The following POM121 variants were observed in gnomAD, a reference collection of about 807,000 sequenced individuals.
The protein encoded by POM121 is nuclear envelope pore membrane protein POM 121.
In POM121, 32 loss-of-function variants were observed where a neutral mutation model predicts 81.3. That is an observed-to-expected ratio of 0.39 (90% CI 0.30 to 0.53). The LOEUF (loss-of-function observed/expected upper bound fraction) is 0.53. POM121 is among the 20% of genes least tolerant of loss of function. The pLI is 0.66. For missense variants in POM121, 1,138 were observed against 1,614.6 expected, an observed-to-expected ratio of 0.70 and a Z score of 5.06; for synonymous variants, 514 against 694.2, an observed-to-expected ratio of 0.74 and a Z score of 4.08.
chr7:72,898,277 A>G (rs1181488091), intron 3 of POM121, among the ~76,000 whole-genome samples: 1 of 152,180 alleles, frequency 6.6e-6, no homozygotes, highest in Non-Finnish European at 1.5e-5. Context: ...AAATAAATAG[A>G]CAGATGGAGT....
In POM121 at chr7:72,946,453, G is replaced by A. The variant is rs1359429655; in HGVS notation, c.*219G>A. ...AGCAGGATGCGGAGGGCCAAAGCCC[G>A]GGACCTCTACTTGAACAGTTCTACT... On this transcript the variant is annotated 3_prime_UTR_variant, in exon 13 of 13. Coordinates refer to ENST00000434423, the MANE Select transcript of POM121 (RefSeq NM_001387691.1). The A allele has an allele frequency of 3.2e-5, 45 of 1,394,208 alleles. No homozygotes were observed. The highest frequency in any genetic ancestry group is 5.9e-5 in the African/African-American group (4 of 68,194). The allele number at this position is 1,394,208 out of a possible 1,614,324, so 86.4% of individuals were successfully genotyped here.
chr7:72,930,160 A>G (rs782131120), intron 5 of POM121, 49 bp downstream of exon 5: 2 of 1,564,878 alleles, frequency 1.3e-6, no homozygotes, highest in South Asian at 2.3e-5. Context: ...CCCAGCGTTC[A>G]TTCATTGACT....
At chr7:72,926,743 G>A in intron 2 of POM121, 59 bp from the exon 3 acceptor site, 1 of 1,590,754 alleles carries the variant, frequency 6.3e-7, no homozygotes, top group Non-Finnish European at 8.6e-7. Context: ...TCTGAAGTCT[G>A]TGCTATATGG....
At chr7:72,909,375 G>T (rs1334970600) in intron 3 of POM121, among the ~76,000 whole-genome samples, 1 of 152,094 alleles carries the variant, frequency 6.6e-6, no homozygotes, top group Non-Finnish European at 1.5e-5. Context: ...CTGGTTTTTA[G>T]TATGAGGAGT....
At position 72,943,449 on chromosome 7, in the gene POM121, G is replaced by A. The variant is rs1192672686; in HGVS notation, c.3456G>A (p.Leu1152=). ...CAGGGGGCTTAGGTCAGAACGCCCTGGGCACCACCGGCCAGAGCACACCGT... is the reference window on the plus strand; with the variant it reads ...CAGGGGGCTTAGGTCAGAACGCCCTAGGCACCACCGGCCAGAGCACACCGT... ...PFAGGLGQNA[L]GTTGQSTPFA... The change falls in exon 11 of 13, where the codon CTG becomes CTA. Residue 1152 remains leucine (L), a synonymous_variant. Transcript: ENST00000434423. 2 of 1,612,764 alleles carry A rather than the reference G, an allele frequency of 1.2e-6. No homozygotes were observed. Among genetic ancestry groups the A allele is most frequent in the African/African-American group, 1.3e-5 (1 of 74,884 alleles).
chr7:72,922,401 T>G (rs183847604), upstream of POM121, among the ~76,000 whole-genome samples: 1,991 of 152,218 alleles, frequency 0.013, 15 homozygotes, highest in Non-Finnish European at 0.019. Flanking sequence ...TAACTTTTTT[T>G]GGGGGGATGG....
chr7:72,930,130 T>C lies in POM121; in HGVS notation c.1275+19T>C, dbSNP rs1161752984. On this transcript the variant is annotated intron_variant, in intron 5 of 12. Coordinates refer to ENST00000434423, the MANE Select transcript of POM121 (RefSeq NM_001387691.1). The stretch of plus-strand genomic sequence containing the variant: ...CTCACAGGTACAAGTACAGCTCTTT[T>C]AATGTGGGGGACATGAATTCCCAGC... 6.3e-7 allele frequency: 1 copy of C among 1,587,054 alleles called. No homozygotes were observed. Among genetic ancestry groups the C allele is most frequent in the Non-Finnish European group, 8.6e-7 (1 of 1,161,056 alleles).
At chr7:72,901,713 G>C (rs1792668911) in intron 3 of POM121, among the ~76,000 whole-genome samples, 1 of 151,430 alleles carries the variant, frequency 6.6e-6, no homozygotes, top group Non-Finnish European at 1.5e-5. Flanking sequence ...TGTGTTGCCA[G>C]GCTGGTCTTG....
At chr7:72,903,263 C>G (rs1792893638) in intron 3 of POM121, among the ~76,000 whole-genome samples, 1 of 152,066 alleles carries the variant, frequency 6.6e-6, no homozygotes, top group African/African-American at 2.4e-5. Context: ...TGGTGAAACC[C>G]CATCTCTACT....
downstream of POM121, chr7:72,948,551 G>A: frequency 6.2e-7 from 1 of 1,613,526 alleles, no homozygotes; most frequent in Non-Finnish European, 8.5e-7. Flanking sequence ...TTTGGGGCTG[G>A]GCTGGGTGTG....
At chr7:72,909,235 G>C (rs181645794) in intron 3 of POM121, among the ~76,000 whole-genome samples, 1 of 152,110 alleles carries the variant, frequency 6.6e-6, no homozygotes, top group Non-Finnish European at 1.5e-5. Context: ...AGTGTGTTTC[G>C]AGAGTGTTCA....
At chr7:72,930,663 AGG>A (rs1190826689) in intron 5 of POM121, among the ~76,000 whole-genome samples, 16 of 152,244 alleles carry the variant, frequency 1.1e-4, no homozygotes, top group African/African-American at 3.6e-4. Flanking sequence ...TATAGGGAAC[AGG>A]GCAGGCTTTG....
At position 72,943,042 on chromosome 7, in the gene POM121, G is replaced by A. The variant is rs71554687; in HGVS notation, c.3049G>A (p.Val1017Ile). ...ACCTGCACCTCCGTCCATGATCAAG[G>A]TCGTGCCTGCGTACGTGCCTACGCC... The part of the protein sequence containing the change: ...PTPAPPSMIK[V>I]VPAYVPTPIH... The change falls in exon 11 of 13, where the codon GTC becomes ATC. Residue 1017 changes from valine (V) to isoleucine (I), a missense_variant. This residue lies in a region of POM121 where 336 missense variants were observed against 344.3 expected (regional missense o/e 0.98). Transcript: ENST00000434423. 1.7e-3 allele frequency: 2,715 copies of A among 1,609,274 alleles called. 23 individuals are homozygous for A. The highest frequency in any genetic ancestry group is 3.1e-3 in the East Asian group (139 of 44,772).
At chr7:72,913,107 G>A (rs1793965165) in intron 3 of POM121, among the ~76,000 whole-genome samples, 1 of 152,220 alleles carries the variant, frequency 6.6e-6, no homozygotes, top group African/African-American at 2.4e-5. Flanking sequence ...CCTCTTGGAT[G>A]TGACTCTGGA....
intron 3 of POM121, among the ~76,000 whole-genome samples, chr7:72,897,502 T>C (rs545159368): frequency 6.6e-6 from 1 of 152,326 alleles, no homozygotes; most frequent in African/African-American, 2.4e-5. Flanking sequence ...TGTCTTTTAC[T>C]CTGAATAAAA....
intron 1 of POM121, among the ~76,000 whole-genome samples, chr7:72,882,496 T>G (rs566511206): frequency 6.6e-6 from 1 of 152,366 alleles, no homozygotes; most frequent in South Asian, 2.1e-4. Flanking sequence ...TAATTGTGGA[T>G]AGCTTTCCTA....
rs1442288511 is a variant in POM121, at chr7:72,930,059, C to T, written c.1223C>T (p.Ser408Phe). 6.2e-7 allele frequency: 1 copy of T among 1,614,010 alleles called. No individual in the cohort carries two copies. Among genetic ancestry groups the T allele is most frequent in the Non-Finnish European group, 8.5e-7 (1 of 1,179,858 alleles). The change falls in exon 5 of 13, where the codon TCC (serine) becomes TTC (phenylalanine). Residue 408 changes from serine to phenylalanine, a missense_variant. This residue lies in a region of POM121 where 646 missense variants were observed against 633.5 expected (regional missense o/e 1.02). Transcript: ENST00000434423. ...TGAYASGIPS[S>F]SRNAITSSYS... ...GCTTACGCAAGTGGCATCCCTAGCT[C>T]CAGCCGCAATGCCATTACCAGTTCC...
upstream of POM121, among the ~76,000 whole-genome samples, chr7:72,920,695 G>T (rs1164027671): frequency 3.9e-5 from 6 of 151,926 alleles, no homozygotes; most frequent in African/African-American, 1.2e-4. Flanking sequence ...CTTTGTTTTG[G>T]GATGTATTTA....
At chr7:72,920,897 G>C (rs1201161503), upstream of POM121, among the ~76,000 whole-genome samples, 1 of 152,124 alleles carries the variant, frequency 6.6e-6, no homozygotes, top group African/African-American at 2.4e-5. Context: ...AATTAAAGAG[G>C]CTGGGCACAG....
Sources: gnomAD v4.1 joint callset for allele counts (sites outside exome capture counted in the v4.1 genomes callset) on GRCh38, gnomAD v4.1.1 for gene constraint, gnomAD v4.1.1 regional missense constraint, MANE v1.5 for transcripts, NCBI Gene and HGNC (gene_info 2026-07-23, HGNC 2026-07-21) for gene names.